The following SPINK14 variants were observed in gnomAD, a reference collection of about 807,000 sequenced individuals.
SPINK14 encodes the protein serine protease inhibitor Kazal-type 14.
SPINK14 carries 6 observed loss-of-function variants against 14.2 expected under a neutral mutation model. That is an observed-to-expected ratio of 0.42 (90% CI 0.23 to 0.83). SPINK14 has a LOEUF of 0.83. SPINK14 is among the 40% of genes least tolerant of loss of function. The probability of loss-of-function intolerance (pLI) is 0.28; values close to 1 mark genes in which losing one functional copy is unlikely to be tolerated. For missense variants in SPINK14, 86 were observed against 108.3 expected (o/e 0.79, Z 0.91); for synonymous variants, 34 against 36.8 (o/e 0.92, Z 0.27).
chr5:148,171,015 T>A (rs958634651), intron 3 of SPINK14, 42 bp downstream of exon 3: 4 of 1,579,794 alleles, frequency 2.5e-6, no homozygotes, highest in Non-Finnish European at 3.5e-6. Flanking sequence ...TACATTATAA[T>A]ATGAGTTCTT....
intron 3 of SPINK14, among the ~76,000 whole-genome samples, chr5:148,172,573 CAG>C (rs768140042): frequency 7.2e-5 from 11 of 152,148 alleles, no homozygotes; most frequent in Non-Finnish European, 1.3e-4. Context: ...CTAGCCTAAT[CAG>C]ACACAAATCT....
In SPINK14 at chr5:148,169,807, A is replaced by G; in HGVS notation, c.67+8A>G. Reference sequence around the variant, plus strand: ...ATTTGGTGTTATCTTCTGGTGAGTAATTTAGCTGGTCTTGGCCAGCAGTTG... The same window carrying G: ...ATTTGGTGTTATCTTCTGGTGAGTAGTTTAGCTGGTCTTGGCCAGCAGTTG... On this transcript the variant is annotated splice_region_variant and intron_variant, in intron 2 of 4. Transcript: ENST00000356972. 2.5e-6 allele frequency: 4 copies of G among 1,607,698 alleles called. No individual in the cohort carries two copies. Among genetic ancestry groups the G allele is most frequent in the Non-Finnish European group, 3.4e-6 (4 of 1,176,568 alleles).
chr5:148,169,312 G>A (rs1278699183), intron 1 of SPINK14, among the ~76,000 whole-genome samples: 1 of 135,508 alleles, frequency 7.4e-6, no homozygotes, highest in Non-Finnish European at 1.6e-5. Context: ...TGTTGTCTAG[G>A]GACCTCAATA....
At chr5:148,169,965 G>GTATAAA (rs1755079544) in intron 2 of SPINK14, among the ~76,000 whole-genome samples, 166 bp downstream of exon 2, 1 of 144,940 alleles carries the variant, frequency 6.9e-6, no homozygotes, top group Non-Finnish European at 1.5e-5. Context: ...GTGTATATAT[G>GTATAAA]TATATATATA....
intron 2 of SPINK14, among the ~76,000 whole-genome samples, chr5:148,170,401 T>C (rs1232116365): frequency 6.6e-6 from 1 of 151,950 alleles, no homozygotes; most frequent in Non-Finnish European, 1.5e-5. Context: ...TTAGAGTGTT[T>C]GATTTGCTGT....
intron 3 of SPINK14, among the ~76,000 whole-genome samples, chr5:148,173,261 T>C (rs1755130552): frequency 6.6e-6 from 1 of 152,124 alleles, no homozygotes; most frequent in African/African-American, 2.4e-5. Flanking sequence ...ATGGAGTCCC[T>C]GAGAACACTA....
rs1383398439 is a variant in SPINK14, at chr5:148,175,566, CACTG to C, written c.*174_*177del. On this transcript the variant is annotated 3_prime_UTR_variant, in exon 5 of 5. Coordinates refer to ENST00000356972, the MANE Select transcript of SPINK14 (RefSeq NM_001001325.2). The stretch of plus-strand genomic sequence containing the variant: ...AGTTCCTTCCATGGACCTCTCCCCT[CACTG>C]ACTGATTGCCTTCCATAGTCTCCCT... Among the ~76,000 whole-genome samples, 1 of 152,048 alleles carries C rather than the reference CACTG, an allele frequency of 6.6e-6. No homozygotes were observed. Among genetic ancestry groups the C allele is most frequent in the Non-Finnish European group, 1.5e-5 (1 of 68,012 alleles).
rs1755061410 is a variant in SPINK14 at position 148,168,647 on chromosome 5, T to C, written c.-73+80T>C. ...AGTTTTCTGGCTGCAGCTGAACTTG[T>C]ACTGTTCCTGTTCCATTTCTGGAGG... On this transcript the variant is annotated intron_variant, in intron 1 of 4. Transcript: ENST00000356972. Among the ~76,000 whole-genome samples, 2 of 124,430 alleles carry C rather than the reference T, an allele frequency of 1.6e-5. 1 individual carries two copies. The highest frequency in any genetic ancestry group is 4.9e-4 in the South Asian group (2 of 4,090). 81.6% of individuals were successfully genotyped at this position (124,430 alleles called of 152,430 possible).
chr5:148,170,158 GTATATA>G (rs758904018), intron 2 of SPINK14, among the ~76,000 whole-genome samples: 2 of 141,516 alleles, frequency 1.4e-5, no homozygotes, highest in African/African-American at 2.7e-5. Flanking sequence ...CATACTCAGA[GTATATA>G]TATATATATA....
rs1220549085 is a variant in SPINK14, at chr5:148,169,676, G to A, written c.-57G>A. ...TCTACTTTAGTGATTGTATTAGAGG[G>A]CAACAACCTGAGACAATATTTCAGA... On this transcript the variant is annotated 5_prime_UTR_variant, in exon 2 of 5. Coordinates refer to ENST00000356972, the MANE Select transcript of SPINK14 (RefSeq NM_001001325.2). 8.4e-6 allele frequency: 12 copies of A among 1,429,772 alleles called. No homozygotes were observed. Among genetic ancestry groups the A allele is most frequent in the Non-Finnish European group, 1.2e-5 (12 of 1,020,716 alleles). 88.6% of individuals were successfully genotyped at this position (1,429,772 alleles called of 1,614,324 possible).
intron 3 of SPINK14, among the ~76,000 whole-genome samples, chr5:148,173,322 C>G (rs1464978143): frequency 1.3e-5 from 2 of 152,086 alleles, no homozygotes; most frequent in Non-Finnish European, 2.9e-5. Context: ...TCACCAGCAC[C>G]AGCATTGTCC....
At chr5:148,173,971 G>A (rs1755138686) in intron 3 of SPINK14, among the ~76,000 whole-genome samples, 1 of 84,746 alleles carries the variant, frequency 1.2e-5, no homozygotes, top group South Asian at 4.1e-4. Context: ...CTTCTGAGAA[G>A]CTGGGACTGC....
At chr5:148,172,798 G>A (rs1357389371) in intron 3 of SPINK14, among the ~76,000 whole-genome samples, 1 of 151,586 alleles carries the variant, frequency 6.6e-6, no homozygotes, top group Non-Finnish European at 1.5e-5. Context: ...GGGTGGTTAT[G>A]ACACGTCAGA....
intron 3 of SPINK14, among the ~76,000 whole-genome samples, chr5:148,173,333 AGAG>A (rs1216508191): frequency 7.9e-5 from 12 of 152,240 alleles, no homozygotes; most frequent in African/African-American, 2.9e-4. Context: ...AGCATTGTCC[AGAG>A]GAGAACTTCC....
At chr5:148,169,951 CAG>C (rs1755078939) in intron 2 of SPINK14, 152 bp downstream of exon 2, 1 of 318,954 alleles carries the variant, frequency 3.1e-6, no homozygotes, top group Non-Finnish European at 5.4e-6. Flanking sequence ...TGACGTGTTG[CAG>C]AGTGTATATA....
Position 148,168,557 on chromosome 5 carries a change from T to C in SPINK14, c.-83T>C, listed in dbSNP as rs1755060580. 6.6e-6 allele frequency among the ~76,000 whole-genome samples: 1 copy of C among 152,136 alleles called. No homozygotes were observed. The highest frequency in any genetic ancestry group is 2.4e-5 in the African/African-American group (1 of 41,446). On this transcript the variant is annotated 5_prime_UTR_variant, in exon 1 of 5. Transcript: ENST00000356972. ...ACATTATATTCCTCTTCCTTTTCTCTTCTTTCTGAGGTGGGTCAGCTGTGA... is the reference window on the plus strand; with the variant it reads ...ACATTATATTCCTCTTCCTTTTCTCCTCTTTCTGAGGTGGGTCAGCTGTGA...
chr5:148,169,359 A>G (rs1022321542), intron 1 of SPINK14, among the ~76,000 whole-genome samples: 1 of 152,026 alleles, frequency 6.6e-6, no homozygotes, highest in Admixed American at 6.6e-5. Flanking sequence ...CAAAAGATAA[A>G]TTTAGGTGAA....
chr5:148,172,908 C>T (rs974681475), intron 3 of SPINK14, among the ~76,000 whole-genome samples: 6 of 151,932 alleles, frequency 3.9e-5, no homozygotes, highest in African/African-American at 7.2e-5. Context: ...CAGGTAAGGG[C>T]GGAAGATTTG....
chr5:148,169,322 AG>A (rs1755069943), intron 1 of SPINK14, among the ~76,000 whole-genome samples: 1 of 100,678 alleles, frequency 9.9e-6, no homozygotes, highest in African/African-American at 4.9e-5. Context: ...GGACCTCAAT[AG>A]CCCCATCTTT....
Sources: gnomAD v4.1 joint callset for allele counts (sites outside exome capture counted in the v4.1 genomes callset) on GRCh38, gnomAD v4.1.1 for gene constraint, MANE v1.5 for transcripts, NCBI Gene and HGNC (gene_info 2026-07-23, HGNC 2026-07-21) for gene names.